SRPRA: variants seen among roughly 807,000 people sequenced by gnomAD.
SRPRA encodes the protein SRP receptor subunit alpha, also known as signal recognition particle receptor subunit alpha.
A neutral mutation model predicts 61.1 loss-of-function variants in SRPRA; 30 were observed. That is an observed-to-expected ratio of 0.49 (90% CI 0.37 to 0.67). The LOEUF (loss-of-function observed/expected upper bound fraction) is 0.67. Ranked by LOEUF, SRPRA falls within the 30% of genes least tolerant of loss-of-function variation. The pLI is 0.00. For missense variants in SRPRA, 759 were observed against 828.4 expected, an observed-to-expected ratio of 0.92 and a Z score of 1.03; for synonymous variants, 324 against 299.7, an observed-to-expected ratio of 1.08 and a Z score of -0.84.
rs1950793911 is a variant in SRPRA, at chr11:126,265,637, A to G, written c.1138+100T>C. ...CTTAAAATCTAGGTTACAGAGGTTT[A>G]GAGGTTAAGGAATTTGCCGAAAGTC... On this transcript the variant is annotated intron_variant, in intron 9 of 13. Coordinates refer to ENST00000332118, the MANE Select transcript of SRPRA (RefSeq NM_003139.4). This position sits in a 1 kb window ranked among gnomAD's most constrained non-coding sequence, Gnocchi z 6.3. The G allele has an allele frequency of 1.5e-6, 2 of 1,371,294 alleles. No individual in the cohort carries two copies. Among genetic ancestry groups the G allele is most frequent in the Middle Eastern group, 1.8e-4 (1 of 5,596 alleles). 84.9% of individuals were successfully genotyped at this position (1,371,294 alleles called of 1,614,324 possible).
At chr11:126,259,090 T>C (rs1950628522), downstream of SRPRA, among the ~76,000 whole-genome samples, 1 of 152,210 alleles carries the variant, frequency 6.6e-6, no homozygotes, top group African/African-American at 2.4e-5. Context: ...TCAGCTGAGT[T>C]TGTCATGTGA....
chr11:126,268,335 C>CA (rs1477121311), intron 1 of SRPRA, among the ~76,000 whole-genome samples: 2 of 152,168 alleles, frequency 1.3e-5, no homozygotes, highest in Non-Finnish European at 2.9e-5. Context: ...TGTAAACAAT[C>CA]AGATTACTAG....
At chr11:126,260,967 A>T (rs1049489919), downstream of SRPRA, 4 of 155,610 alleles carry the variant, frequency 2.6e-5, no homozygotes, top group Admixed American at 1.3e-4. Context: ...TTTTAATTTG[A>T]AACCAAGTAG....
At chr11:126,248,414 A>G in the SRPRA span, among the ~76,000 whole-genome samples, 1 of 101,654 alleles carries the variant, frequency 9.8e-6, no homozygotes, top group Non-Finnish European at 1.8e-5. Context: ...CTTGTTGCCC[A>G]GGCTGGAGTG....
intron 1 of SRPRA, 23 bp from the exon 2 acceptor site, chr11:126,268,109 T>C (rs1950857851): frequency 4.3e-6 from 7 of 1,609,924 alleles, no homozygotes; most frequent in Non-Finnish European, 6.0e-6. Context: ...TATGTCTCAG[T>C]GTTCAGACTA....
rs1310122706 is a variant in SRPRA, at chr11:126,263,910, G to GCCAC, written c.*2_*5dup. 5 of 1,613,690 alleles carry GCCAC rather than the reference G, an allele frequency of 3.1e-6. No homozygotes were observed. The highest frequency in any genetic ancestry group is 4.2e-6 in the Non-Finnish European group (5 of 1,179,886). The stretch of plus-strand genomic sequence containing the variant: ...AGCGGCGATTTGGTATTGGGCAAGA[G>GCCAC]CCACGTTAAGCCTTCATGAGGGCAG... On this transcript the variant is annotated 3_prime_UTR_variant, in exon 14 of 14. Transcript: ENST00000332118.
rs769259902 is a variant in SRPRA at position 126,268,835 on chromosome 11, G to A, written c.-31C>T. 1 of 1,580,512 alleles carries A rather than the reference G, an allele frequency of 6.3e-7. No individual in the cohort carries two copies. The highest frequency in any genetic ancestry group is 8.7e-7 in the Non-Finnish European group (1 of 1,151,178). The stretch of plus-strand genomic sequence containing the variant: ...CAGCGGCAGAGGAGCTGGGGCCGGC[G>A]CCGGGAATTCAGGCCGCGTTCGCCG... On this transcript the variant is annotated 5_prime_UTR_variant, in exon 1 of 14. Transcript: ENST00000332118.
rs748514596 is a variant in SRPRA at position 126,265,745 on chromosome 11, G to T, written c.1130C>A (p.Thr377Lys). ...CTTAGGTAAGTACTTACTGCTGAAC[G>T]TCCCCATCACCTTCCCTTCCAACTT... Reference protein sequence around the residue: ...ANKLEGKVMGTFSTVTSTVKQ... With the variant: ...ANKLEGKVMGKFSTVTSTVKQ... Residue 377 changes from threonine to lysine, a missense_variant, in exon 9 of 14, where the codon ACG becomes AAG. Thr to Lys is a moderately conservative substitution (Grantham distance 78, BLOSUM62 -1). This residue lies in a region of SRPRA where 284 missense variants were observed against 365.9 expected (regional missense o/e 0.78). Coordinates refer to ENST00000332118, the MANE Select transcript of SRPRA (RefSeq NM_003139.4). This position sits in a 1 kb window ranked among gnomAD's most constrained non-coding sequence, Gnocchi z 6.3. The T allele has an allele frequency of 3.1e-6, 5 of 1,614,012 alleles. No individual in the cohort carries two copies. The African/African-American group carries it at 5.3e-5, about 17-fold the overall frequency.
At chr11:126,243,701 C>T in the SRPRA span, among the ~76,000 whole-genome samples, 10 of 151,890 alleles carry the variant, frequency 6.6e-5, no homozygotes, top group African/African-American at 2.4e-4. Flanking sequence ...GTCAGGAGTT[C>T]GAGATCAGCC....
At chr11:126,237,082 A>G in the SRPRA span, among the ~76,000 whole-genome samples, 2 of 149,370 alleles carry the variant, frequency 1.3e-5, no homozygotes, top group African/African-American at 4.9e-5. Flanking sequence ...ATGCCCGGCT[A>G]ATTTTTTGTA....
Position 126,264,097 on chromosome 11 carries a change from C to T in SRPRA, c.1789-53G>A. On this transcript the variant is annotated intron_variant, in intron 13 of 13. Coordinates refer to ENST00000332118, the MANE Select transcript of SRPRA (RefSeq NM_003139.4). This position sits in a 1 kb window ranked among gnomAD's most constrained non-coding sequence, Gnocchi z 5.0. The stretch of plus-strand genomic sequence containing the variant: ...AACACAAGCCCACTTTTCACTCACC[C>T]TCTCAGGAACAGGAAGCGCTGGAGC... 1 of 1,613,296 alleles carries T rather than the reference C, an allele frequency of 6.2e-7. No homozygotes were observed. The highest frequency in any genetic ancestry group is 8.5e-7 in the Non-Finnish European group (1 of 1,179,492).
Position 126,266,266 on chromosome 11 carries a change from C to T in SRPRA, c.853G>A (p.Gly285Arg), listed in dbSNP as rs759341185. 6.2e-7 allele frequency: 1 copy of T among 1,614,194 alleles called. No homozygotes were observed. The highest frequency in any genetic ancestry group is 8.5e-7 in the Non-Finnish European group (1 of 1,180,038). Residue 285 changes from glycine (G) to arginine (R), a missense_variant, in exon 7 of 14, where the codon GGG becomes AGG. Gly to Arg is a moderately radical substitution (Grantham distance 125, BLOSUM62 -2). This residue lies in a region of SRPRA where 475 missense variants were observed against 462.5 expected (regional missense o/e 1.03). Transcript: ENST00000332118. ...AGATCCTGAAGCTGCCCCCCAGACC[C>T]AGTCCCTCGAATCTGGAAGATACGG... ...SEDINLIRGT[G>R]SGGQLQDLDC...
chr11:126,249,751 AAAAG>A, the SRPRA span, among the ~76,000 whole-genome samples: 1 of 149,550 alleles, frequency 6.7e-6, no homozygotes, highest in Admixed American at 6.7e-5. Context: ...AAAAAAAAAA[AAAAG>A]AAAAAGAAAA....
chr11:126,247,929 A>G, the SRPRA span, among the ~76,000 whole-genome samples: 5 of 146,948 alleles, frequency 3.4e-5, no homozygotes, highest in Non-Finnish European at 6.0e-5. Context: ...ACGTATATCT[A>G]TATATATATT....
In SRPRA at chr11:126,264,569, A is replaced by G. The variant is rs1303544689; in HGVS notation, c.1526-30T>C. 6.2e-7 allele frequency: 1 copy of G among 1,608,908 alleles called. No individual in the cohort carries two copies. Among genetic ancestry groups the G allele is most frequent in the South Asian group, 1.1e-5 (1 of 90,810 alleles). On this transcript the variant is annotated intron_variant, in intron 11 of 13. Coordinates refer to ENST00000332118, the MANE Select transcript of SRPRA (RefSeq NM_003139.4). This position sits in a 1 kb window ranked among gnomAD's most constrained non-coding sequence, Gnocchi z 5.0. Reference sequence around the variant, plus strand: ...AGAAAGAAAGTAGTCAACTCTGAACACCTGGACTACCACTCATGCTCGTTC... The same window carrying G: ...AGAAAGAAAGTAGTCAACTCTGAACGCCTGGACTACCACTCATGCTCGTTC...
chr11:126,246,768 G>T, the SRPRA span, among the ~76,000 whole-genome samples: 1 of 152,064 alleles, frequency 6.6e-6, no homozygotes, highest in African/African-American at 2.4e-5. Flanking sequence ...CTAAGTTTCA[G>T]GGTAGAAGGA....
At chr11:126,268,136 G>C in intron 1 of SRPRA, 50 bp from the exon 2 acceptor site, 1 of 1,557,332 alleles carries the variant, frequency 6.4e-7, no homozygotes, top group Non-Finnish European at 8.9e-7. Flanking sequence ...GAAAACCCAG[G>C]TTTGGGCCCT....
chr11:126,236,309 A>G, the SRPRA span, among the ~76,000 whole-genome samples: 1 of 152,208 alleles, frequency 6.6e-6, no homozygotes. Flanking sequence ...AAAGGTCTTT[A>G]TCATACACTT....
the SRPRA span, chr11:126,241,043 C>T: frequency 6.3e-7 from 1 of 1,590,106 alleles, no homozygotes; most frequent in Non-Finnish European, 8.6e-7. Context: ...AAACTCTCTC[C>T]TGTGAGTACC....
Sources: gnomAD v4.1 joint callset for allele counts (sites outside exome capture counted in the v4.1 genomes callset) on GRCh38, gnomAD v4.1.1 for gene constraint, gnomAD v4.1.1 regional missense constraint, Gnocchi (gnomAD v3.1) non-coding constraint, MANE v1.5 for transcripts, NCBI Gene and HGNC (gene_info 2026-07-23, HGNC 2026-07-21) for gene names.